The following CLYBL variants were observed in gnomAD, a reference collection of about 807,000 sequenced individuals.
CLYBL encodes citramalyl-CoA lyase.
A neutral mutation model predicts 38.9 loss-of-function variants in CLYBL; 31 were observed. That is an observed-to-expected ratio of 0.80 (90% CI 0.60 to 1.08). The LOEUF is 1.08. Among genes scored for constraint, CLYBL ranks in the 50% least tolerant of loss-of-function variants. The pLI, the probability that CLYBL is intolerant of heterozygous loss-of-function variation, is 0.00. For synonymous variants in CLYBL, 171 were observed against 158.6 expected (o/e 1.08, Z -0.59); for missense variants, 434 against 411.6 (o/e 1.05, Z -0.47).
intron 2 of CLYBL, among the ~76,000 whole-genome samples, chr13:99,784,449 C>CTCTTGTT (rs71121010): frequency 1.9e-5 from 1 of 52,098 alleles, no homozygotes; most frequent in Non-Finnish European, 3.8e-5. Context: ...AAAATTCTCT[C>CTCTTGTT]TTTTTTTTTT....
At chr13:99,783,523 C>G (rs544140663) in intron 2 of CLYBL, among the ~76,000 whole-genome samples, 2 of 151,564 alleles carry the variant, frequency 1.3e-5, no homozygotes, top group East Asian at 3.9e-4. Flanking sequence ...GTGGTGCGAT[C>G]TCAGCTCACT....
In CLYBL at chr13:99,819,440, ATATATATATATATATATATATATAT is replaced by A. The variant is rs1566340123; in HGVS notation, c.250-39420_250-39396del. On this transcript the variant is annotated intron_variant, in intron 2 of 8. Transcript: ENST00000339105. ...TTTATATATATATATATATATATAT[ATATATATATATATATATATATATAT>A]ATAATATTTGTCAGGGTTGTCTGGG... Among the ~76,000 whole-genome samples the A allele has an allele frequency of 1.2e-4, 13 of 107,126 alleles. 1 individual carries two copies. Among genetic ancestry groups the A allele is most frequent in the Admixed American group, 5.2e-4 (6 of 11,506 alleles). The allele number at this position is 107,126 out of a possible 152,430, so 70.3% of individuals were successfully genotyped here.
In CLYBL at chr13:99,772,945, A is replaced by G; in HGVS notation, c.184A>G (p.Ile62Val). Residue 62 changes from isoleucine to valine, a missense_variant, in exon 2 of 9, where the codon ATT becomes GTT. By Grantham distance (29) the Ile-to-Val change is conservative. Transcript: ENST00000339105. ...AAATGATGAAAAGAAAATAAAGAAGATTCCATCCCTGAATGTAGATTGTGC... is the reference window on the plus strand; with the variant it reads ...AAATGATGAAAAGAAAATAAAGAAGGTTCCATCCCTGAATGTAGATTGTGC... ...PGNDEKKIKK[I>V]PSLNVDCAVL... 3 of 1,613,848 alleles carry G rather than the reference A, an allele frequency of 1.9e-6. No individual in the cohort carries two copies. The highest frequency in any genetic ancestry group is 2.5e-6 in the Non-Finnish European group (3 of 1,179,970).
chr13:99,715,127 A>G (rs2048292678), intron 1 of CLYBL, among the ~76,000 whole-genome samples: 1 of 152,124 alleles, frequency 6.6e-6, no homozygotes, highest in South Asian at 2.1e-4. Flanking sequence ...TGTTTTTCAG[A>G]GAGGTATCCT....
intron 2 of CLYBL, among the ~76,000 whole-genome samples, chr13:99,778,533 A>G (rs1337827499): frequency 6.6e-6 from 1 of 152,218 alleles, no homozygotes; most frequent in Non-Finnish European, 1.5e-5. Flanking sequence ...TCCACAAAGC[A>G]GTTTATAAGT....
At chr13:99,739,977 A>AAAAAAAAC (rs202123374) in intron 1 of CLYBL, among the ~76,000 whole-genome samples, 6 of 152,052 alleles carry the variant, frequency 3.9e-5, no homozygotes, top group East Asian at 1.9e-4. Context: ...ATCTTGAGGA[A>AAAAAAAAC]AAAAAAACAA....
intron 7 of CLYBL, among the ~76,000 whole-genome samples, chr13:99,887,696 T>C (rs909204646): frequency 4.6e-5 from 7 of 152,142 alleles, no homozygotes; most frequent in Non-Finnish European, 8.8e-5. Context: ...GAGGCTGCAG[T>C]AAGCCGTGAT....
chr13:99,836,681 T>A (rs966409572), intron 2 of CLYBL, among the ~76,000 whole-genome samples: 14 of 152,238 alleles, frequency 9.2e-5, no homozygotes, highest in African/African-American at 2.9e-4. Context: ...AAGTATATAT[T>A]GCTTTTATAG....
At chr13:99,872,303 G>A (rs1356002775) in intron 7 of CLYBL, among the ~76,000 whole-genome samples, 1 of 152,146 alleles carries the variant, frequency 6.6e-6, no homozygotes, top group Non-Finnish European at 1.5e-5. Context: ...ATGATAAATA[G>A]CATCTTTCCA....
At position 99,772,830 on chromosome 13, in the gene CLYBL, G is replaced by A. The variant is rs758550272; in HGVS notation, c.69G>A (p.Ala23=). 2.2e-5 allele frequency: 35 copies of A among 1,593,512 alleles called. No individual in the cohort carries two copies. Among genetic ancestry groups the A allele is most frequent in the Middle Eastern group, 1.7e-4 (1 of 6,000 alleles). The change falls in exon 2 of 9, where the codon GCG becomes GCA. Residue 23 remains alanine (A), a synonymous_variant. Transcript: ENST00000339105. ...CCAATCACGTGTCTTGCAGGAAAGC[G>A]TCTCTAGCAGCTGATATCCCCAGAC... ...AAAAALLRLK[A]SLAADIPRLG...
intron 1 of CLYBL, among the ~76,000 whole-genome samples, chr13:99,695,463 C>T (rs2047964317): frequency 6.6e-6 from 1 of 152,008 alleles, no homozygotes; most frequent in Non-Finnish European, 1.5e-5. Context: ...TTTGATGTAG[C>T]GTAATAAACT....
At chr13:99,741,627 C>T (rs944790565) in intron 1 of CLYBL, among the ~76,000 whole-genome samples, 2 of 152,272 alleles carry the variant, frequency 1.3e-5, no homozygotes, top group African/African-American at 4.8e-5. Context: ...TCTCAGCTCA[C>T]TGCACTCTAG....
intron 1 of CLYBL, among the ~76,000 whole-genome samples, chr13:99,661,502 T>A (rs1211666821): frequency 6.6e-6 from 1 of 152,230 alleles, no homozygotes; most frequent in Non-Finnish European, 1.5e-5. Flanking sequence ...TAAACCTGTA[T>A]ATTTATTTTT....
chr13:99,711,403 CT>C (rs71215540), intron 1 of CLYBL, among the ~76,000 whole-genome samples: 21,902 of 83,030 alleles, frequency 0.26, 1,878 homozygotes, highest in East Asian at 0.44. Flanking sequence ...GGGAGTCCGT[CT>C]TTTTTTTTTT....
At chr13:99,673,524 A>G (rs9585175) in intron 1 of CLYBL, among the ~76,000 whole-genome samples, 6,577 of 152,272 alleles carry the variant, frequency 0.043, 461 homozygotes, top group African/African-American at 0.15. Context: ...TATCTGAGCA[A>G]AAGTTTGAAG....
intron 1 of CLYBL, among the ~76,000 whole-genome samples, chr13:99,676,359 G>A (rs2047651022): frequency 6.6e-6 from 1 of 151,772 alleles, no homozygotes; most frequent in African/African-American, 2.4e-5. Flanking sequence ...ACCCAGGCTG[G>A]AGTGCAATGG....
intron 2 of CLYBL, among the ~76,000 whole-genome samples, chr13:99,793,894 A>G (rs1005485642): frequency 1.1e-3 from 162 of 152,174 alleles, no homozygotes; most frequent in African/African-American, 3.7e-3. Flanking sequence ...GATTAAAAAA[A>G]AAAAAAAGAA....
intron 1 of CLYBL, among the ~76,000 whole-genome samples, chr13:99,750,973 T>C (rs77614617): frequency 0.01 from 1,574 of 152,190 alleles, 13 homozygotes; most frequent in East Asian, 0.079. Flanking sequence ...CAATTGAACA[T>C]AGAATTACCA....
At chr13:99,696,939 C>T (rs1175759417) in intron 1 of CLYBL, among the ~76,000 whole-genome samples, 3 of 152,194 alleles carry the variant, frequency 2.0e-5, no homozygotes, top group Non-Finnish European at 4.4e-5. Context: ...TTGTAACATA[C>T]TGCATCTTTT....
Sources: gnomAD v4.1 joint callset for allele counts (sites outside exome capture counted in the v4.1 genomes callset) on GRCh38, gnomAD v4.1.1 for gene constraint, MANE v1.5 for transcripts, NCBI Gene and HGNC (gene_info 2026-07-23, HGNC 2026-07-21) for gene names.